The following SLC35F4 variants were observed in gnomAD, a reference collection of about 807,000 sequenced individuals.
SLC35F4 encodes solute carrier family 35 member F4, also known as chromosome 14 open reading frame 36.
In SLC35F4, 24 loss-of-function variants were observed where a neutral mutation model predicts 44.2. The ratio of observed to expected loss-of-function variants is 0.54; its 90% CI spans 0.39 to 0.76. The LOEUF (loss-of-function observed/expected upper bound fraction) is 0.76. SLC35F4 is among the 30% of genes least tolerant of loss of function. The probability of loss-of-function intolerance (pLI) is 0.00; values close to 1 mark genes in which losing one functional copy is unlikely to be tolerated. For synonymous variants in SLC35F4, 238 were observed against 223.6 expected, an observed-to-expected ratio of 1.06 and a Z score of -0.57; for missense variants, 562 against 586.1, an observed-to-expected ratio of 0.96 and a Z score of 0.42.
intron 1 of SLC35F4, among the ~76,000 whole-genome samples, chr14:57,921,791 C>T (rs921872512): frequency 3.9e-5 from 6 of 152,128 alleles, no homozygotes; most frequent in Non-Finnish European, 7.3e-5. Flanking sequence ...AGTATGACCT[C>T]GTCTGAACTA....
At chr14:57,892,163 T>C (rs1224248150) in intron 1 of SLC35F4, among the ~76,000 whole-genome samples, 1 of 152,222 alleles carries the variant, frequency 6.6e-6, no homozygotes, top group African/African-American at 2.4e-5. Context: ...CATTCTTTTA[T>C]ATCTCTTCAC....
chr14:57,951,938 A>T (rs1473519906), intron 1 of SLC35F4, among the ~76,000 whole-genome samples: 1 of 152,224 alleles, frequency 6.6e-6, no homozygotes, highest in African/African-American at 2.4e-5. Context: ...TGCTCTGCTA[A>T]GGGACAGACT....
At chr14:57,799,713 C>T (rs927906632) in intron 1 of SLC35F4, among the ~76,000 whole-genome samples, 1 of 152,272 alleles carries the variant, frequency 6.6e-6, no homozygotes, top group African/African-American at 2.4e-5. Flanking sequence ...AAGGCTCCCC[C>T]TCAATGCAGC....
At chr14:57,699,322 G>A (rs575825862) in intron 1 of SLC35F4, among the ~76,000 whole-genome samples, 2 of 152,228 alleles carry the variant, frequency 1.3e-5, no homozygotes, top group South Asian at 4.2e-4. Context: ...TGTTTAGGAA[G>A]GTGATGAATA....
chr14:57,660,574 C>T (rs2074106298), intron 1 of SLC35F4, among the ~76,000 whole-genome samples: 1 of 150,298 alleles, frequency 6.7e-6, no homozygotes, highest in African/African-American at 2.4e-5. Context: ...AGGAGGAGAC[C>T]ACGTGAGATG....
chr14:57,780,206 T>G (rs2077583683), intron 1 of SLC35F4, among the ~76,000 whole-genome samples: 1 of 152,158 alleles, frequency 6.6e-6, no homozygotes, highest in South Asian at 2.1e-4. Context: ...GCCCAAAAGC[T>G]CCTTCAGCTG....
Position 57,674,284 on chromosome 14 carries a change from C to A in SLC35F4, c.104-80160G>T, listed in dbSNP as rs150922336. ...TGGTAGGAATATAAAATAACACAATCCTTTGGGAAAAGGTTTGTCAGTTTT... is the reference window on the plus strand; with the variant it reads ...TGGTAGGAATATAAAATAACACAATACTTTGGGAAAAGGTTTGTCAGTTTT... On this transcript the variant is annotated intron_variant, in intron 1 of 7. Coordinates refer to ENST00000556826, the MANE Select transcript of SLC35F4 (RefSeq NM_001306087.2). Among the ~76,000 whole-genome samples the A allele has an allele frequency of 4.2e-3, 646 of 152,216 alleles. 3 individuals are homozygous for A. The highest frequency in any genetic ancestry group is 7.1e-3 in the Non-Finnish European group (482 of 68,026).
At chr14:57,771,596 A>G (rs1367385695) in intron 1 of SLC35F4, among the ~76,000 whole-genome samples, 1 of 152,002 alleles carries the variant, frequency 6.6e-6, no homozygotes, top group Non-Finnish European at 1.5e-5. Context: ...TAATTTATTT[A>G]CTTATTTATT....
At chr14:57,718,949 G>C (rs1452076342) in intron 1 of SLC35F4, among the ~76,000 whole-genome samples, 1 of 152,056 alleles carries the variant, frequency 6.6e-6, no homozygotes, top group Non-Finnish European at 1.5e-5. Context: ...AAATTTTCTT[G>C]TAGTTATTTC....
At chr14:57,972,017 G>A (rs555155453), downstream of SLC35F4, among the ~76,000 whole-genome samples, 22 of 152,262 alleles carry the variant, frequency 1.4e-4, no homozygotes, top group South Asian at 3.9e-3. Context: ...ACTGAAAACC[G>A]AAGGTTATGA....
intron 1 of SLC35F4, among the ~76,000 whole-genome samples, chr14:57,841,392 T>C (rs17093757): frequency 0.011 from 1,742 of 152,272 alleles, 39 homozygotes; most frequent in African/African-American, 0.04. Context: ...CCCAGAGGTA[T>C]GAACCAGAAA....
intron 1 of SLC35F4, among the ~76,000 whole-genome samples, chr14:57,700,800 G>T (rs1007071943): frequency 2.0e-5 from 3 of 152,050 alleles, no homozygotes; most frequent in Non-Finnish European, 2.9e-5. Context: ...AGCTACTCAG[G>T]AGGCTGAGAT....
intron 1 of SLC35F4, among the ~76,000 whole-genome samples, chr14:57,611,834 G>A (rs1043360784): frequency 2.0e-5 from 3 of 152,146 alleles, no homozygotes; most frequent in African/African-American, 7.2e-5. Flanking sequence ...ATACATGGGA[G>A]AGTTCCAGCT....
chr14:57,678,238 G>C (rs1397774998), intron 1 of SLC35F4, among the ~76,000 whole-genome samples: 2 of 152,024 alleles, frequency 1.3e-5, no homozygotes, highest in Admixed American at 1.3e-4. Flanking sequence ...TTAAAGAAAA[G>C]AACTGTCAAC....
rs983158116 is a variant in SLC35F4 at position 57,969,850 on chromosome 14, C to T, written n.282+12063G>A. On this transcript the variant is annotated intron_variant and non_coding_transcript_variant, in intron 1 of 1. Transcript: ENST00000556568. ...AGGCTGACTATGAAGTCACTGAGCA[C>T]GGATGTTCATGGTTCTTGAGCAGCA... Among the ~76,000 whole-genome samples, 7 of 152,122 alleles carry T rather than the reference C, an allele frequency of 4.6e-5. No individual in the cohort carries two copies. The East Asian group carries it at 9.6e-4, about 21-fold the overall frequency.
At chr14:57,753,101 C>T (rs2076922583) in intron 1 of SLC35F4, among the ~76,000 whole-genome samples, 1 of 152,218 alleles carries the variant, frequency 6.6e-6, no homozygotes, top group Non-Finnish European at 1.5e-5. Context: ...CAAGGCACAG[C>T]CACATGTTCA....
At chr14:57,803,582 CTTTTTTTTTTTTT>C (rs532690276) in intron 1 of SLC35F4, among the ~76,000 whole-genome samples, 1 of 79,456 alleles carries the variant, frequency 1.3e-5, no homozygotes. Flanking sequence ...AAAGCTTCTT[CTTTTTTTTTTTTT>C]TTTTTTTTTT....
In SLC35F4 at chr14:57,590,456, A is replaced by T. The variant is rs550199340; in HGVS notation, c.290-943T>A. On this transcript the variant is annotated intron_variant, in intron 2 of 7. Coordinates refer to ENST00000556826, the MANE Select transcript of SLC35F4 (RefSeq NM_001306087.2). Reference sequence around the variant, plus strand: ...TGTCCCAAGAATAGAGCAAGTCCTGACTACACAGTCATTTCCCACCTCACC... The same window carrying T: ...TGTCCCAAGAATAGAGCAAGTCCTGTCTACACAGTCATTTCCCACCTCACC... 8.5e-4 allele frequency among the ~76,000 whole-genome samples: 129 copies of T among 152,222 alleles called. 1 individual carries two copies. The highest frequency in any genetic ancestry group is 3.4e-3 in the Middle Eastern group (1 of 294).
chr14:57,900,399 G>T (rs1024663836), intron 1 of SLC35F4, among the ~76,000 whole-genome samples: 1 of 152,088 alleles, frequency 6.6e-6, no homozygotes, highest in Non-Finnish European at 1.5e-5. Context: ...TGTTTAGGTC[G>T]GGGTCATGTG....
Sources: gnomAD v4.1 joint callset for allele counts (sites outside exome capture counted in the v4.1 genomes callset) on GRCh38, gnomAD v4.1.1 for gene constraint, MANE v1.5 for transcripts, NCBI Gene and HGNC (gene_info 2026-07-23, HGNC 2026-07-21) for gene names.